Variants in LRMDA observed in about 807,000 individuals in gnomAD.
The protein encoded by LRMDA is leucine-rich melanocyte differentiation-associated protein.
Under a neutral mutation model 29.8 loss-of-function variants are expected in LRMDA, and 18 were observed. That is an observed-to-expected ratio of 0.60 (90% CI 0.42 to 0.90). LRMDA has a LOEUF of 0.90. Ranked by LOEUF, LRMDA falls within the 40% of genes least tolerant of loss-of-function variation. The probability of loss-of-function intolerance (pLI) is 0.00; values close to 1 mark genes in which losing one functional copy is unlikely to be tolerated. For missense variants in LRMDA, 273 were observed against 273.9 expected, an observed-to-expected ratio of 1.00 and a Z score of 0.02; for synonymous variants, 125 against 109.4, an observed-to-expected ratio of 1.14 and a Z score of -0.89.
intron 5 of LRMDA, among the ~76,000 whole-genome samples, chr10:76,275,617 TGCTTTTTACTTCTGAACC>T (rs1840121753): frequency 6.6e-6 from 1 of 152,140 alleles, no homozygotes; most frequent in Non-Finnish European, 1.5e-5. Context: ...CTTTCCAAAT[TGCTTTTTACTTCTGAACC>T]ATATTGCTTT....
chr10:76,492,006 G>T (rs556968473), intron 6 of LRMDA, among the ~76,000 whole-genome samples: 1 of 152,054 alleles, frequency 6.6e-6, no homozygotes, highest in South Asian at 2.1e-4. Context: ...TATGTCAATT[G>T]CATTTTTCAA....
intron 5 of LRMDA, chr10:76,318,731 C>T (rs1840731459): frequency 6.6e-6 from 1 of 152,312 alleles, no homozygotes; most frequent in African/African-American, 2.4e-5. Context: ...GTGACACCTT[C>T]TCTCTTGCTT....
chr10:75,449,939 T>G (rs1040043410), intron 2 of LRMDA: 36 of 152,080 alleles, frequency 2.4e-4, no homozygotes, highest in Admixed American at 2.1e-3. Context: ...GTGTGTGTAT[T>G]TGCACATGAA....
intron 2 of LRMDA, among the ~76,000 whole-genome samples, chr10:75,566,712 C>T (rs1334983076): frequency 6.6e-6 from 1 of 152,124 alleles, no homozygotes; most frequent in Admixed American, 6.5e-5. Context: ...CTTATCAACT[C>T]CAAAATACAG....
chr10:76,291,047 C>T (rs753142079), intron 5 of LRMDA, among the ~76,000 whole-genome samples: 28 of 152,232 alleles, frequency 1.8e-4, no homozygotes, highest in Non-Finnish European at 3.5e-4. Context: ...TTTGGGAGCA[C>T]TTTTCTTTGG....
intron 2 of LRMDA, among the ~76,000 whole-genome samples, chr10:75,526,869 AAAAC>A (rs1199103806): frequency 6.6e-6 from 1 of 152,092 alleles, no homozygotes; most frequent in Non-Finnish European, 1.5e-5. Flanking sequence ...AAAAAAAAAA[AAAAC>A]AAAACATAAT....
chr10:75,537,843 G>A (rs1000359040), intron 2 of LRMDA, among the ~76,000 whole-genome samples: 3 of 152,174 alleles, frequency 2.0e-5, no homozygotes, highest in Non-Finnish European at 4.4e-5. Context: ...CCCCTGGCCT[G>A]GCTTTGTGCT....
intron 5 of LRMDA, among the ~76,000 whole-genome samples, chr10:76,145,856 CT>C (rs1850306297): frequency 2.0e-5 from 3 of 151,158 alleles, no homozygotes; most frequent in Non-Finnish European, 2.9e-5. Context: ...CTACACACTG[CT>C]TTGAATGTGT....
intron 2 of LRMDA, among the ~76,000 whole-genome samples, chr10:75,539,833 TC>T (rs147149370): frequency 0.025 from 3,824 of 152,298 alleles, 174 homozygotes; most frequent in African/African-American, 0.087. Flanking sequence ...TTGCATTCAC[TC>T]CCTATAGCAT....
intron 6 of LRMDA, among the ~76,000 whole-genome samples, chr10:76,336,884 T>C (rs1840975595): frequency 6.6e-6 from 1 of 152,166 alleles, no homozygotes; most frequent in South Asian, 2.1e-4. Context: ...ACAACCATCC[T>C]CCTACACAAA....
At chr10:75,918,624 T>G (rs1845974299) in intron 2 of LRMDA, among the ~76,000 whole-genome samples, 1 of 152,104 alleles carries the variant, frequency 6.6e-6, no homozygotes, top group African/African-American at 2.4e-5. Flanking sequence ...AACATGAGAT[T>G]TAGAAGGGAC....
At chr10:76,054,408 A>G (rs1848576789) in intron 4 of LRMDA, among the ~76,000 whole-genome samples, 1 of 151,988 alleles carries the variant, frequency 6.6e-6, no homozygotes, top group Admixed American at 6.5e-5. Flanking sequence ...GTCATCTAAA[A>G]TTTTTAACTA....
chr10:75,624,412 T>C (rs1431459187), intron 2 of LRMDA, among the ~76,000 whole-genome samples: 1 of 152,182 alleles, frequency 6.6e-6, no homozygotes, highest in Non-Finnish European at 1.5e-5. Context: ...TAAAATGCTG[T>C]GATAGAGAAA....
At chr10:76,506,580 C>T (rs951882860) in intron 6 of LRMDA, among the ~76,000 whole-genome samples, 1 of 152,086 alleles carries the variant, frequency 6.6e-6, no homozygotes, top group Non-Finnish European at 1.5e-5. Flanking sequence ...TATTCTTTCT[C>T]ACTGTATTTT....
chr10:75,645,678 A>G (rs11001451), intron 2 of LRMDA, among the ~76,000 whole-genome samples: 137,198 of 152,106 alleles, frequency 0.9, 61,930 homozygotes, highest in East Asian at 0.97. Flanking sequence ...GGAAAGACCT[A>G]CATGGAACTT....
chr10:76,272,773 G>GAA (rs1840083861), intron 5 of LRMDA, among the ~76,000 whole-genome samples: 4 of 152,126 alleles, frequency 2.6e-5, no homozygotes, highest in Non-Finnish European at 4.4e-5. Flanking sequence ...GAGGCCTGAG[G>GAA]AAACTTACAA....
chr10:75,668,295 T>C (rs544427644), intron 2 of LRMDA, among the ~76,000 whole-genome samples: 2 of 152,190 alleles, frequency 1.3e-5, no homozygotes, highest in African/African-American at 2.4e-5. Flanking sequence ...GTGATTCCCA[T>C]AGTACACATT....
chr10:76,014,106 G>GTA (rs1341556157), intron 2 of LRMDA, among the ~76,000 whole-genome samples: 2,560 of 73,162 alleles, frequency 0.035, 63 homozygotes, highest in African/African-American at 0.08. Context: ...AAAAAAAAAA[G>GTA]TATATATATA....
chr10:75,898,540 G>A (rs890333328), intron 2 of LRMDA, among the ~76,000 whole-genome samples: 48 of 152,242 alleles, frequency 3.2e-4, no homozygotes, highest in African/African-American at 1.1e-3. Context: ...TTGCCTGCCG[G>A]GAAAGCAGGG....
Sources: allele counts gnomAD v4.1 joint callset (sites outside exome capture counted in the v4.1 genomes callset), GRCh38; gene constraint gnomAD v4.1.1; transcripts MANE v1.5; gene names NCBI Gene and HGNC (gene_info 2026-07-23, HGNC 2026-07-21).